Variants in KIF24 observed in about 807,000 individuals in gnomAD.
The protein encoded by KIF24 is kinesin family member 24.
In KIF24, 81 loss-of-function variants were observed where a neutral mutation model predicts 118.9. The observed-to-expected ratio is 0.68, with a 90% CI of 0.57 to 0.82. The LOEUF (loss-of-function observed/expected upper bound fraction) is 0.82. Among genes scored for constraint, KIF24 ranks in the 40% least tolerant of loss-of-function variants. The pLI is 0.00. For synonymous variants in KIF24, 599 were observed against 610.0 expected (o/e 0.98, Z 0.27); for missense variants, 1,560 against 1,661.6 (o/e 0.94, Z 1.06).
At chr9:34,299,745 T>A (rs905668715) in intron 3 of KIF24, among the ~76,000 whole-genome samples, 1 of 151,940 alleles carries the variant, frequency 6.6e-6, no homozygotes, top group South Asian at 2.1e-4. Flanking sequence ...TACTTTTTCA[T>A]ATAAAACTAA....
rs750816994 is a variant in KIF24 at position 34,257,396 on chromosome 9, G to T, written c.2211C>A (p.Ser737Arg). 1.2e-6 allele frequency: 2 copies of T among 1,614,042 alleles called. No individual in the cohort carries two copies. The highest frequency in any genetic ancestry group is 2.2e-5 in the East Asian group (1 of 44,880). ...CAGGCCTAGCAGGCGTGCCCCTCTG[G>T]CTGTCTTGACTGTACTCAGCCCTGT... is the stretch of plus-strand genomic sequence containing the variant. ...AHHRAEYSQDSQRGTPARPAS... is the reference protein window; with the variant it reads ...AHHRAEYSQDRQRGTPARPAS... Residue 737 changes from serine (S) to arginine (R), a missense_variant, in exon 11 of 13, where the codon AGC becomes AGA. Coordinates refer to ENST00000402558, the MANE Select transcript of KIF24 (RefSeq NM_194313.4).
At chr9:34,329,823 G>T (rs566892871), upstream of KIF24, among the ~76,000 whole-genome samples, 3 of 151,504 alleles carry the variant, frequency 2.0e-5, no homozygotes, top group South Asian at 6.3e-4. Flanking sequence ...CTGACTCTGA[G>T]CCTTGCTTGT....
chr9:34,321,578 A>AT (rs1837523278), intron 1 of KIF24, among the ~76,000 whole-genome samples: 2 of 146,262 alleles, frequency 1.4e-5, no homozygotes, highest in South Asian at 2.2e-4. Flanking sequence ...AAAAAAAAAA[A>AT]GCTATACATA....
intron 1 of KIF24, among the ~76,000 whole-genome samples, chr9:34,316,583 T>G (rs1248788509): frequency 6.6e-6 from 1 of 152,250 alleles, no homozygotes; most frequent in Non-Finnish European, 1.5e-5. Flanking sequence ...AAGCATTTTA[T>G]ATAAAAGGCT....
chr9:34,255,179 A>G lies in KIF24; in HGVS notation c.3873-14T>C, dbSNP rs746659730. 4 of 1,497,362 alleles carry G rather than the reference A, an allele frequency of 2.7e-6. No individual in the cohort carries two copies. The highest frequency in any genetic ancestry group is 3.7e-6 in the Non-Finnish European group (4 of 1,092,418). 92.8% of individuals were successfully genotyped at this position (1,497,362 alleles called of 1,614,324 possible). On this transcript the variant is annotated splice_polypyrimidine_tract_variant and intron_variant, in intron 11 of 12. Transcript: ENST00000402558. ...ATGACCACCTGCCTGGGAACACCAG[A>G]GAGAACACTGTGATCTTCCTGGCCT...
intron 9 of KIF24, among the ~76,000 whole-genome samples, chr9:34,261,155 C>T (rs553483508): frequency 2.5e-4 from 38 of 152,172 alleles, no homozygotes; most frequent in Non-Finnish European, 2.4e-4. Context: ...ACTATGGAGC[C>T]GCTACTCTAG....
Position 34,318,496 on chromosome 9 carries a change from C to T in KIF24, c.-25-7125G>A. 2 of 838,486 alleles carry T rather than the reference C, an allele frequency of 2.4e-6. No individual in the cohort carries two copies. Among genetic ancestry groups the T allele is most frequent in the Non-Finnish European group, 2.0e-6 (1 of 504,790 alleles). The allele number at this position is 838,486 out of a possible 1,614,324, so 51.9% of individuals were successfully genotyped here. A position where few individuals can be genotyped will look rare whatever the true frequency, so the allele number is the denominator to read the frequency against. On this transcript the variant is annotated intron_variant, in intron 1 of 12. Coordinates refer to ENST00000402558, the MANE Select transcript of KIF24 (RefSeq NM_194313.4). The surrounding 1 kb of genome is among the most constrained non-coding windows in gnomAD (Gnocchi z 4.9). ...AACCTGCAGCCACAGCAGCTCCTGG[C>T]ACCGCAGAGAAGCTGAGCCCCAAGG...
chr9:34,262,825 C>T (rs1485513152), intron 9 of KIF24, among the ~76,000 whole-genome samples: 1 of 150,256 alleles, frequency 6.7e-6, no homozygotes, highest in African/African-American at 2.5e-5. Flanking sequence ...CACACCACTG[C>T]ACTCTAGCCT....
chr9:34,262,248 A>G (rs1835082223), intron 9 of KIF24, among the ~76,000 whole-genome samples: 2 of 152,040 alleles, frequency 1.3e-5, no homozygotes. Context: ...CATACACTGG[A>G]AATAAACAGA....
At chr9:34,303,048 A>G (rs1836784274) in intron 3 of KIF24, among the ~76,000 whole-genome samples, 1 of 151,882 alleles carries the variant, frequency 6.6e-6, no homozygotes, top group Non-Finnish European at 1.5e-5. Context: ...TGCTGGGATT[A>G]CAGGCGTGAG....
rs76974239 is a variant in KIF24, at chr9:34,256,636, G to A, written c.2971C>T (p.His991Tyr). ...EEDGFTISLS[H>Y]VAVPGSPDQR... ...TCTGGGGATCCAGGAACTGCAACGT[G>A]GGACAATGAGATAGTGAAACCATCT... is the stretch of plus-strand genomic sequence containing the variant. Residue 991 changes from histidine (H) to tyrosine (Y), a missense_variant, in exon 11 of 13, where the codon CAC becomes TAC. This residue lies in a region of KIF24 where 591 missense variants were observed against 655.6 expected (regional missense o/e 0.90). Transcript: ENST00000402558. 1,625 of 1,613,936 alleles carry A rather than the reference G, an allele frequency of 1.0e-3. 31 individuals carry two copies. In the East Asian group the frequency reaches 0.03, roughly 30 times the overall value.
intron 5 of KIF24, among the ~76,000 whole-genome samples, chr9:34,288,062 C>A (rs972417616): frequency 3.9e-5 from 6 of 152,054 alleles, no homozygotes; most frequent in African/African-American, 1.2e-4. Flanking sequence ...GGTATAAAAA[C>A]AATTTATCCT....
chr9:34,320,828 C>T (rs978649631), intron 1 of KIF24, among the ~76,000 whole-genome samples: 7 of 151,994 alleles, frequency 4.6e-5, no homozygotes, highest in Non-Finnish European at 1.0e-4. Flanking sequence ...CTGAAATGAC[C>T]TTTATTTTAC....
chr9:34,271,910 C>A lies in KIF24; in HGVS notation c.1236G>T (p.Lys412Asn). 2 of 1,599,746 alleles carry A rather than the reference C, an allele frequency of 1.3e-6. No individual in the cohort carries two copies. Among genetic ancestry groups the A allele is most frequent in the South Asian group, 2.3e-5 (2 of 88,692 alleles). Residue 412 changes from lysine (K) to asparagine (N), a missense_variant, in exon 7 of 13, where the codon AAG (lysine) becomes AAT (asparagine). By Grantham distance (94) the Lys-to-Asn change is moderately conservative. Around this residue, in one of 3 missense-constraint regions of KIF24, gnomAD observed 964 missense variants for 988.0 expected, o/e 0.98. Transcript: ENST00000402558. ...LLLEVILKGS[K>N]ERSTGATGVN... is the part of the protein sequence containing the mutation. ...CTCCAGTGGCCCCAGTGCTGCGCTC[C>A]TTGCTGCCCTTTAAGATCACCTGAA...
At chr9:34,333,337 G>A (rs887236651), upstream of KIF24, among the ~76,000 whole-genome samples, 3 of 152,050 alleles carry the variant, frequency 2.0e-5, no homozygotes, top group Non-Finnish European at 4.4e-5. Context: ...TAAAGACTGG[G>A]AATTTGGGGC....
chr9:34,255,167 T>C lies in KIF24; in HGVS notation c.3873-2A>G. The C allele has an allele frequency of 6.4e-7, 1 of 1,556,134 alleles. No individual in the cohort carries two copies. Among genetic ancestry groups the C allele is most frequent in the Non-Finnish European group, 8.7e-7 (1 of 1,142,900 alleles). ...TGGTGTGCTCGGATGACCACCTGCC[T>C]GGGAACACCAGAGAGAACACTGTGA... On this transcript the variant is annotated splice_acceptor_variant, in intron 11 of 12. Coordinates refer to ENST00000402558, the MANE Select transcript of KIF24 (RefSeq NM_194313.4). LOFTEE classifies it high-confidence loss of function.
chr9:34,255,932 T>C lies in KIF24; in HGVS notation c.3675A>G (p.Lys1225=). The part of the protein sequence containing the change: ...VADQLWAQER[K]HPTRLGWQEF... ...CCTGCCAACCAAGCCTTGTAGGATGTTTTCTCTCCTGGGCCCAGAGCTGGT... is the reference window on the plus strand; with the variant it reads ...CCTGCCAACCAAGCCTTGTAGGATGCTTTCTCTCCTGGGCCCAGAGCTGGT... The change falls in exon 11 of 13, where the codon AAA becomes AAG. Residue 1225 remains lysine (K), a synonymous_variant. Coordinates refer to ENST00000402558, the MANE Select transcript of KIF24 (RefSeq NM_194313.4). The C allele has an allele frequency of 6.2e-7, 1 of 1,613,956 alleles. No homozygotes were observed. The highest frequency in any genetic ancestry group is 8.5e-7 in the Non-Finnish European group (1 of 1,179,856).
chr9:34,303,419 A>T, intron 3 of KIF24, among the ~76,000 whole-genome samples: 1 of 152,214 alleles, frequency 6.6e-6, no homozygotes, highest in East Asian at 1.9e-4. Context: ...TGCATTATTA[A>T]ACAGATGCTT....
upstream of KIF24, among the ~76,000 whole-genome samples, chr9:34,333,387 G>T (rs1200765805): frequency 1.3e-5 from 2 of 152,058 alleles, no homozygotes; most frequent in Non-Finnish European, 1.5e-5. Context: ...AGCACTTTGG[G>T]AGGCCAAAGT....
Sources: gnomAD v4.1 joint callset for allele counts (sites outside exome capture counted in the v4.1 genomes callset) on GRCh38, gnomAD v4.1.1 for gene constraint, gnomAD v4.1.1 regional missense constraint, Gnocchi (gnomAD v3.1) non-coding constraint, MANE v1.5 for transcripts, NCBI Gene and HGNC (gene_info 2026-07-23, HGNC 2026-07-21) for gene names.